LSAMP: variants seen among roughly 807,000 people sequenced by gnomAD.
LSAMP encodes the protein limbic system-associated membrane protein.
In LSAMP, 7 loss-of-function variants were observed where a neutral mutation model predicts 38.6. That is an observed-to-expected ratio of 0.18 (90% CI 0.10 to 0.34). The LOEUF (loss-of-function observed/expected upper bound fraction) is 0.34. Ranked by LOEUF, LSAMP falls within the 10% of genes least tolerant of loss-of-function variation. LSAMP has a pLI of 1.00. For missense variants in LSAMP, 313 were observed against 420.0 expected, an observed-to-expected ratio of 0.75 and a Z score of 2.23; for synonymous variants, 154 against 166.8, an observed-to-expected ratio of 0.92 and a Z score of 0.59.
chr3:116,253,109 C>A (rs938835704), intron 1 of LSAMP, among the ~76,000 whole-genome samples: 1 of 152,212 alleles, frequency 6.6e-6, no homozygotes, highest in Admixed American at 6.5e-5. Context: ...CCCTTTCCCC[C>A]CTTTCTTCAT....
intron 2 of LSAMP, among the ~76,000 whole-genome samples, chr3:116,048,477 C>T (rs1427212851): frequency 1.3e-5 from 2 of 152,190 alleles, no homozygotes; most frequent in African/African-American, 4.8e-5. Flanking sequence ...AAGCACATCT[C>T]TGTATAGTGT....
chr3:115,989,914 A>C (rs1939618992), intron 3 of LSAMP, among the ~76,000 whole-genome samples: 1 of 152,108 alleles, frequency 6.6e-6, no homozygotes, highest in South Asian at 2.1e-4. Context: ...TGTTAGAGGC[A>C]CCTGACACTT....
At chr3:116,171,467 C>G (rs780511716) in intron 1 of LSAMP, among the ~76,000 whole-genome samples, 2 of 152,068 alleles carry the variant, frequency 1.3e-5, no homozygotes, top group Non-Finnish European at 2.9e-5. Context: ...TATCTTAATA[C>G]CATCATCATG....
At chr3:116,426,331 A>T (rs1207687173) in intron 1 of LSAMP, among the ~76,000 whole-genome samples, 1 of 152,010 alleles carries the variant, frequency 6.6e-6, no homozygotes, top group Non-Finnish European at 1.5e-5. Context: ...TACTAAAAAT[A>T]CAAAAACTAA....
intron 1 of LSAMP, among the ~76,000 whole-genome samples, chr3:116,099,503 T>A (rs961461124): frequency 6.6e-6 from 1 of 152,196 alleles, no homozygotes; most frequent in Non-Finnish European, 1.5e-5. Context: ...GAAATCTTAA[T>A]ATTCTGCAGG....
chr3:116,262,503 A>G (rs2046837331), intron 1 of LSAMP, among the ~76,000 whole-genome samples: 1 of 152,198 alleles, frequency 6.6e-6, no homozygotes, highest in African/African-American at 2.4e-5. Flanking sequence ...TTTTGACTGT[A>G]TAAGATGCCC....
At chr3:116,043,773 A>G (rs6776555) in intron 2 of LSAMP, among the ~76,000 whole-genome samples, 10,681 of 152,230 alleles carry the variant, frequency 0.07, 1,176 homozygotes, top group African/African-American at 0.24. Context: ...GTGAAACCCC[A>G]TCTCTACTAA....
intron 1 of LSAMP, among the ~76,000 whole-genome samples, chr3:116,201,884 T>A: frequency 6.6e-6 from 1 of 152,210 alleles, no homozygotes; most frequent in Non-Finnish European, 1.5e-5. Flanking sequence ...TAGCTTTTCA[T>A]GTTTAACTGG....
At chr3:116,175,412 A>G (rs1710313460) in intron 1 of LSAMP, among the ~76,000 whole-genome samples, 1 of 152,066 alleles carries the variant, frequency 6.6e-6, no homozygotes, top group Admixed American at 6.6e-5. Context: ...CCTTCCAGCT[A>G]TTTGAAACAA....
chr3:116,194,572 T>A (rs1039547034), intron 1 of LSAMP, among the ~76,000 whole-genome samples: 3 of 152,172 alleles, frequency 2.0e-5, no homozygotes, highest in South Asian at 4.1e-4. Context: ...TTTTTTCGTG[T>A]TTTTTAGTAG....
intron 3 of LSAMP, among the ~76,000 whole-genome samples, chr3:115,918,217 C>T (rs1327513185): frequency 1.3e-5 from 2 of 152,158 alleles, no homozygotes; most frequent in East Asian, 3.9e-4. Context: ...AGGGAGATTA[C>T]TAGCACATAT....
chr3:116,046,148 A>G (rs1423731366), intron 2 of LSAMP, among the ~76,000 whole-genome samples: 5 of 152,222 alleles, frequency 3.3e-5, no homozygotes. Flanking sequence ...CTCAGTCAAC[A>G]TAGCATTTCC....
At chr3:115,988,475 G>C (rs1051444472) in intron 3 of LSAMP, among the ~76,000 whole-genome samples, 1 of 152,012 alleles carries the variant, frequency 6.6e-6, no homozygotes, top group African/African-American at 2.4e-5. Flanking sequence ...CTGTTTGTTT[G>C]TTTTAAGAGA....
chr3:116,246,046 T>A (rs1231423230), intron 1 of LSAMP, among the ~76,000 whole-genome samples: 1 of 152,150 alleles, frequency 6.6e-6, no homozygotes, highest in Admixed American at 6.5e-5. Flanking sequence ...CAGTCCAAAC[T>A]CTTTACTTCC....
In LSAMP at chr3:116,287,449, C is replaced by T. The variant is rs73861417; in HGVS notation, c.155+157428G>A. ...CAGGCTCTCATACAGTAATGATGAG[C>T]GTTTGTGCATTCGGAAGAGCAGCTG... On this transcript the variant is annotated intron_variant, in intron 1 of 6. Transcript: ENST00000490035. 1.8e-3 allele frequency among the ~76,000 whole-genome samples: 272 copies of T among 152,226 alleles called. 1 individual carries two copies. The highest frequency in any genetic ancestry group is 6.1e-3 in the African/African-American group (255 of 41,546).
chr3:115,869,127 C>T (rs1935944980), intron 3 of LSAMP, among the ~76,000 whole-genome samples: 2 of 152,038 alleles, frequency 1.3e-5, no homozygotes, highest in Admixed American at 6.6e-5. Flanking sequence ...ATAAAAAATT[C>T]AGAAGTATAG....
intron 1 of LSAMP, among the ~76,000 whole-genome samples, chr3:116,358,658 A>G (rs904133949): frequency 6.6e-6 from 1 of 152,220 alleles, no homozygotes; most frequent in Non-Finnish European, 1.5e-5. Flanking sequence ...TGACTGATTT[A>G]CTAGATGAAA....
At chr3:116,298,948 A>C (rs2047371400) in intron 1 of LSAMP, among the ~76,000 whole-genome samples, 1 of 152,212 alleles carries the variant, frequency 6.6e-6, no homozygotes, top group African/African-American at 2.4e-5. Flanking sequence ...ACACTTAAGG[A>C]CTTATGAAGA....
At chr3:115,992,275 C>T (rs1939692389) in intron 3 of LSAMP, among the ~76,000 whole-genome samples, 1 of 151,992 alleles carries the variant, frequency 6.6e-6, no homozygotes, top group Non-Finnish European at 1.5e-5. Flanking sequence ...CTCTCATTTG[C>T]AATGGCAGCA....
Sources: allele counts gnomAD v4.1 joint callset (sites outside exome capture counted in the v4.1 genomes callset), GRCh38; gene constraint gnomAD v4.1.1; transcripts MANE v1.5; gene names NCBI Gene and HGNC (gene_info 2026-07-23, HGNC 2026-07-21).